CRB1: variants seen among roughly 807,000 people sequenced by gnomAD.
CRB1 encodes the protein protein crumbs homolog 1.
In CRB1, 83 loss-of-function variants were observed where a neutral mutation model predicts 120.0. The observed-to-expected ratio is 0.69, with a 90% CI of 0.58 to 0.83. The LOEUF is 0.83. Among genes scored for constraint, CRB1 ranks in the 40% least tolerant of loss-of-function variants. The pLI, the probability that CRB1 is intolerant of heterozygous loss-of-function variation, is 0.00. For synonymous variants in CRB1, 625 were observed against 612.5 expected, an observed-to-expected ratio of 1.02 and a Z score of -0.30; for missense variants, 1,699 against 1,687.6, an observed-to-expected ratio of 1.01 and a Z score of -0.12.
chr1:197,470,961 G>A (rs1571630396), intron 11 of CRB1, among the ~76,000 whole-genome samples: 1 of 152,278 alleles, frequency 6.6e-6, no homozygotes, highest in Middle Eastern at 3.4e-3. Context: ...TTAATGTTGA[G>A]GTTGATTGTT....
At chr1:197,461,746 T>TC (rs1351923460) in intron 11 of CRB1, among the ~76,000 whole-genome samples, 1 of 152,098 alleles carries the variant, frequency 6.6e-6, no homozygotes, top group Non-Finnish European at 1.5e-5. Context: ...TGTAGAGCTT[T>TC]CCCCTCTACC....
At chr1:197,442,674 C>A in intron 11 of CRB1, 1 of 612,026 alleles carries the variant, frequency 1.6e-6, no homozygotes, top group Non-Finnish European at 2.5e-6. Context: ...TTAGTACAAA[C>A]ATATTATCAT....
At chr1:197,251,184 A>G in the CRB1 span, among the ~76,000 whole-genome samples, 2 of 152,154 alleles carry the variant, frequency 1.3e-5, no homozygotes, top group African/African-American at 2.4e-5. Context: ...AAATTGTTCA[A>G]TTTGCTTAAC....
chr1:197,355,763 C>T (rs543766934), intron 4 of CRB1, among the ~76,000 whole-genome samples: 3 of 152,286 alleles, frequency 2.0e-5, no homozygotes, highest in Non-Finnish European at 2.9e-5. Flanking sequence ...TCGGTTCCCA[C>T]ACACATCTGT....
chr1:197,247,368 G>A, the CRB1 span, among the ~76,000 whole-genome samples: 4 of 151,998 alleles, frequency 2.6e-5, no homozygotes. Context: ...TGTCATTGTT[G>A]TAATGTTGAC....
At chr1:197,322,571 T>C (rs972251824) in intron 1 of CRB1, among the ~76,000 whole-genome samples, 1 of 152,146 alleles carries the variant, frequency 6.6e-6, no homozygotes, top group Non-Finnish European at 1.5e-5. Context: ...CTGTTTGTTT[T>C]TCGTTGTTAA....
intron 11 of CRB1, chr1:197,442,570 ACTTTGT>A (rs1665506891): frequency 1.4e-6 from 2 of 1,404,722 alleles, no homozygotes; most frequent in Admixed American, 5.9e-5. Context: ...TATCAGAAGC[ACTTTGT>A]CTGTGTATAA....
intron 4 of CRB1, among the ~76,000 whole-genome samples, chr1:197,351,521 C>G (rs1462723274): frequency 6.6e-6 from 1 of 152,070 alleles, no homozygotes; most frequent in African/African-American, 2.4e-5. Flanking sequence ...AGCCAGATCA[C>G]AAAACTCCAT....
the CRB1 span, among the ~76,000 whole-genome samples, chr1:197,201,843 G>C: frequency 6.6e-6 from 1 of 151,320 alleles, no homozygotes; most frequent in African/African-American, 2.4e-5. Flanking sequence ...CGATTACTAA[G>C]AAAAAAAATT....
chr1:197,406,136 G>T (rs1292535648), intron 5 of CRB1, among the ~76,000 whole-genome samples: 2 of 152,236 alleles, frequency 1.3e-5, no homozygotes, highest in Non-Finnish European at 2.9e-5. Flanking sequence ...AATGGAAAGG[G>T]GAGAAAGGTG....
chr1:197,396,584 A>G (rs1266486888), intron 5 of CRB1, among the ~76,000 whole-genome samples: 3 of 152,148 alleles, frequency 2.0e-5, no homozygotes, highest in African/African-American at 7.2e-5. Flanking sequence ...TCTGTTATAG[A>G]AGCACAGCAA....
intron 5 of CRB1, among the ~76,000 whole-genome samples, chr1:197,383,963 C>G (rs1045725833): frequency 6.6e-6 from 1 of 152,144 alleles, no homozygotes; most frequent in Non-Finnish European, 1.5e-5. Flanking sequence ...TTTTAATAGA[C>G]TCAAATAAGT....
At chr1:197,230,373 C>T in the CRB1 span, among the ~76,000 whole-genome samples, 6 of 152,162 alleles carry the variant, frequency 3.9e-5, no homozygotes, top group Admixed American at 1.3e-4. Flanking sequence ...TTAGAATATG[C>T]GTTGCATTAA....
chr1:197,323,816 C>G (rs1479937553), intron 1 of CRB1, among the ~76,000 whole-genome samples: 4 of 152,046 alleles, frequency 2.6e-5, no homozygotes, highest in Admixed American at 2.6e-4. Flanking sequence ...CAAGCCAGAC[C>G]CTGTGCTTAG....
chr1:197,322,128 G>A (rs1486268704), intron 1 of CRB1, among the ~76,000 whole-genome samples: 1 of 152,114 alleles, frequency 6.6e-6, no homozygotes, highest in Non-Finnish European at 1.5e-5. Context: ...TGCTAGAAGT[G>A]TAAAATACAC....
rs764559246 is a variant in CRB1, at chr1:197,421,109, C to T, written c.1281C>T (p.Asn427=). The stretch of plus-strand genomic sequence containing the variant: ...ATACTTGCCATTGCCCATTTGATAA[C>T]CTTTCTAGAACTTTTTATGGAGGAA... The part of the protein sequence containing the change: ...GNYTCHCPFD[N]LSRTFYGGRD... Residue 427 remains asparagine (N), a synonymous_variant, in exon 6 of 12, where the codon AAC becomes AAT. Coordinates refer to ENST00000367400, the MANE Select transcript of CRB1 (RefSeq NM_201253.3). 5.0e-6 allele frequency: 8 copies of T among 1,614,030 alleles called. No homozygotes were observed. Among genetic ancestry groups the T allele is most frequent in the African/African-American group, 1.3e-5 (1 of 74,906 alleles).
chr1:197,325,388 G>A (rs1390959067), intron 1 of CRB1, among the ~76,000 whole-genome samples: 1 of 152,132 alleles, frequency 6.6e-6, no homozygotes, highest in African/African-American at 2.4e-5. Flanking sequence ...GCAAAACATA[G>A]CAAATGTTTA....
At chr1:197,246,052 G>A in the CRB1 span, among the ~76,000 whole-genome samples, 5 of 151,996 alleles carry the variant, frequency 3.3e-5, no homozygotes, top group Non-Finnish European at 5.9e-5. Context: ...GGGCGTGCCA[G>A]GAAATTCAGG....
intron 11 of CRB1, chr1:197,444,687 GTCT>G (rs1304699219): frequency 3.9e-5 from 6 of 152,088 alleles, no homozygotes; most frequent in Non-Finnish European, 5.9e-5. Context: ...TTTTCCAAAT[GTCT>G]TCTTGTCATA....
Sources: gnomAD v4.1 joint callset for allele counts (sites outside exome capture counted in the v4.1 genomes callset) on GRCh38, gnomAD v4.1.1 for gene constraint, MANE v1.5 for transcripts, NCBI Gene and HGNC (gene_info 2026-07-23, HGNC 2026-07-21) for gene names.